SMYD3: variants seen among roughly 807,000 people sequenced by gnomAD.
SMYD3 encodes the protein histone-lysine N-methyltransferase SMYD3.
Under a neutral mutation model 57.7 loss-of-function variants are expected in SMYD3, and 36 were observed. The observed-to-expected ratio is 0.62, with a 90% CI of 0.48 to 0.82. The LOEUF is 0.82. Among genes scored for constraint, SMYD3 ranks in the 40% least tolerant of loss-of-function variants. The pLI, the probability that SMYD3 is intolerant of heterozygous loss-of-function variation, is 0.00. For missense variants in SMYD3, 515 were observed against 538.8 expected, an observed-to-expected ratio of 0.96 and a Z score of 0.44; for synonymous variants, 211 against 195.0, an observed-to-expected ratio of 1.08 and a Z score of -0.68.
At chr1:246,286,535 A>C (rs1269531967) in intron 5 of SMYD3, among the ~76,000 whole-genome samples, 2 of 152,230 alleles carry the variant, frequency 1.3e-5, no homozygotes, top group African/African-American at 4.8e-5. Flanking sequence ...TCAAACTCTC[A>C]GAAAATTAGT....
At chr1:246,370,957 A>G (rs1480437583) in intron 1 of SMYD3, among the ~76,000 whole-genome samples, 1 of 152,238 alleles carries the variant, frequency 6.6e-6, no homozygotes, top group Non-Finnish European at 1.5e-5. Context: ...AAAGTGGTCT[A>G]ATTCAAGAAG....
At chr1:245,981,231 C>T (rs1352122181) in intron 5 of SMYD3, among the ~76,000 whole-genome samples, 2 of 152,230 alleles carry the variant, frequency 1.3e-5, no homozygotes, top group Admixed American at 6.5e-5. Context: ...GTAGTGCCAA[C>T]AGCACACAGT....
chr1:246,080,245 G>C (rs1347311907), intron 5 of SMYD3, among the ~76,000 whole-genome samples: 1 of 152,074 alleles, frequency 6.6e-6, no homozygotes, highest in Non-Finnish European at 1.5e-5. Context: ...GGGTGAGCAG[G>C]CATGACCACC....
intron 1 of SMYD3, among the ~76,000 whole-genome samples, chr1:246,411,820 T>G (rs1430159467): frequency 2.7e-5 from 2 of 73,510 alleles, no homozygotes; most frequent in Non-Finnish European, 5.5e-5. Flanking sequence ...CACCAGGGAC[T>G]GTTGTGGGGT....
intron 5 of SMYD3, among the ~76,000 whole-genome samples, chr1:246,209,735 T>C (rs1480531438): frequency 2.6e-5 from 4 of 152,194 alleles, no homozygotes; most frequent in African/African-American, 9.7e-5. Context: ...CTTGCATTTC[T>C]TGCTCTTGCA....
At chr1:245,970,084 A>G (rs1393544425) in intron 5 of SMYD3, among the ~76,000 whole-genome samples, 3 of 152,234 alleles carry the variant, frequency 2.0e-5, no homozygotes, top group African/African-American at 7.2e-5. Context: ...ACAGCAGCCA[A>G]AACAGCATGG....
At chr1:246,163,694 A>T (rs752429557) in intron 5 of SMYD3, among the ~76,000 whole-genome samples, 1 of 152,266 alleles carries the variant, frequency 6.6e-6, no homozygotes, top group Non-Finnish European at 1.5e-5. Context: ...CTTGAGAAAT[A>T]AATTTAGCTA....
chr1:245,762,450 C>T (rs897771274), intron 11 of SMYD3, among the ~76,000 whole-genome samples: 50 of 152,198 alleles, frequency 3.3e-4, no homozygotes, highest in African/African-American at 1.2e-3. Context: ...AGGACTTTCA[C>T]ACAGTAGGCC....
At chr1:246,456,253 A>C (rs1440779035) in intron 1 of SMYD3, among the ~76,000 whole-genome samples, 1 of 152,138 alleles carries the variant, frequency 6.6e-6, no homozygotes, top group Non-Finnish European at 1.5e-5. Context: ...CCGATTGTCA[A>C]CCCTGGCTTC....
intron 8 of SMYD3, among the ~76,000 whole-genome samples, chr1:245,878,396 G>A (rs1221626360): frequency 6.6e-6 from 1 of 152,190 alleles, no homozygotes; most frequent in Non-Finnish European, 1.5e-5. Context: ...GAGGCAGAGG[G>A]TAGGGTCAAG....
At chr1:245,866,620 T>G (rs765404947) in intron 8 of SMYD3, among the ~76,000 whole-genome samples, 1 of 152,034 alleles carries the variant, frequency 6.6e-6, no homozygotes, top group Non-Finnish European at 1.5e-5. Context: ...TAATCCCAGA[T>G]ACTTGGGAGG....
chr1:246,107,152 T>A (rs1480648632), intron 5 of SMYD3, among the ~76,000 whole-genome samples: 1 of 147,974 alleles, frequency 6.8e-6, no homozygotes, highest in Non-Finnish European at 1.5e-5. Context: ...CCAGGCGTGG[T>A]GGCAGGCGCC....
chr1:245,879,594 C>A (rs2052668035), intron 8 of SMYD3, among the ~76,000 whole-genome samples: 1 of 152,144 alleles, frequency 6.6e-6, no homozygotes, highest in Admixed American at 6.5e-5. Flanking sequence ...TTCCTTTCTC[C>A]CCAAAGAAGT....
intron 5 of SMYD3, among the ~76,000 whole-genome samples, chr1:246,296,085 T>C (rs1277296651): frequency 6.6e-6 from 1 of 152,128 alleles, no homozygotes; most frequent in Non-Finnish European, 1.5e-5. Flanking sequence ...ATATTGAAAA[T>C]GAACTGATTC....
intron 5 of SMYD3, among the ~76,000 whole-genome samples, chr1:246,193,510 C>T (rs902001940): frequency 3.3e-5 from 5 of 152,178 alleles, no homozygotes; most frequent in African/African-American, 1.2e-4. Context: ...CCAGCAGTGG[C>T]CTTGTGGCCT....
intron 7 of SMYD3, among the ~76,000 whole-genome samples, chr1:245,921,035 G>T (rs1215453064): frequency 6.6e-6 from 1 of 152,124 alleles, no homozygotes; most frequent in East Asian, 1.9e-4. Flanking sequence ...CACAAACTAT[G>T]CATCTGACAA....
At chr1:246,500,278 C>T (rs1373439678) in intron 1 of SMYD3, among the ~76,000 whole-genome samples, 1 of 152,194 alleles carries the variant, frequency 6.6e-6, no homozygotes, top group Non-Finnish European at 1.5e-5. Context: ...AGAAGGCAGA[C>T]TTGGTCTACA....
intron 5 of SMYD3, among the ~76,000 whole-genome samples, chr1:246,233,213 T>C (rs1429353479): frequency 8.9e-6 from 1 of 112,386 alleles, no homozygotes; most frequent in African/African-American, 3.3e-5. Flanking sequence ...CAATTCACAC[T>C]GTGATGAACA....
At chr1:245,936,155 G>A (rs759073637) in intron 5 of SMYD3, among the ~76,000 whole-genome samples, 26 of 152,070 alleles carry the variant, frequency 1.7e-4, no homozygotes, top group East Asian at 7.7e-4. Context: ...ATTGTTATTC[G>A]TTAATTAAAA....
Sources: gnomAD v4.1 joint callset for allele counts (sites outside exome capture counted in the v4.1 genomes callset) on GRCh38, gnomAD v4.1.1 for gene constraint, MANE v1.5 for transcripts, NCBI Gene and HGNC (gene_info 2026-07-23, HGNC 2026-07-21) for gene names.